KIF26B: variants seen among roughly 807,000 people sequenced by gnomAD.
KIF26B encodes kinesin-like protein KIF26B.
A neutral mutation model predicts 151.2 loss-of-function variants in KIF26B; 63 were observed. That is an observed-to-expected ratio of 0.42 (90% CI 0.34 to 0.51). The LOEUF is 0.51. KIF26B is among the 20% of genes least tolerant of loss of function. KIF26B has a pLI of 0.07. For missense variants in KIF26B, 2,813 were observed against 2,913.6 expected (o/e 0.97, Z 0.79); for synonymous variants, 1,357 against 1,262.1 (o/e 1.08, Z -1.59).
intron 8 of KIF26B, among the ~76,000 whole-genome samples, chr1:245,611,535 A>G (rs2043521188): frequency 6.6e-6 from 1 of 152,226 alleles, no homozygotes; most frequent in South Asian, 2.1e-4. Context: ...TCCAGATTCT[A>G]CTTAGACTGT....
intron 14 of KIF26B, among the ~76,000 whole-genome samples, chr1:245,701,165 G>GAGAA (rs1210913307): frequency 2.0e-5 from 3 of 152,122 alleles, no homozygotes; most frequent in Admixed American, 6.5e-5. Flanking sequence ...TTTTGATGCT[G>GAGAA]AGAAAGAAAA....
intron 3 of KIF26B, among the ~76,000 whole-genome samples, chr1:245,409,554 C>T (rs184543706): frequency 7.9e-5 from 12 of 152,278 alleles, no homozygotes; most frequent in African/African-American, 2.2e-4. Flanking sequence ...CCCTGCGTAT[C>T]GCCAGTTGTG....
At chr1:245,661,596 T>TACACCCAATGATATATATATACAC (rs2044139996) in intron 10 of KIF26B, among the ~76,000 whole-genome samples, 1 of 151,058 alleles carries the variant, frequency 6.6e-6, no homozygotes, top group Non-Finnish European at 1.5e-5. Flanking sequence ...AATATATATA[T>TACACCCAATGATATATATATACAC]ACACCCAATG....
chr1:245,457,988 A>G (rs746845800), intron 4 of KIF26B, among the ~76,000 whole-genome samples: 21 of 152,346 alleles, frequency 1.4e-4, no homozygotes, highest in Middle Eastern at 6.8e-3. Flanking sequence ...TTTTTAAGGT[A>G]TTATATAAAT....
intron 3 of KIF26B, among the ~76,000 whole-genome samples, chr1:245,389,967 A>C (rs1673645625): frequency 6.6e-6 from 1 of 152,186 alleles, no homozygotes; most frequent in Non-Finnish European, 1.5e-5. Context: ...TGAGTCCCTA[A>C]GACCCTTTCA....
chr1:245,700,246 T>A (rs1212905202), intron 14 of KIF26B, among the ~76,000 whole-genome samples: 2 of 152,110 alleles, frequency 1.3e-5, no homozygotes, highest in African/African-American at 4.8e-5. Context: ...AGCTGTAAAA[T>A]GGGAAAAATA....
chr1:245,437,623 G>T (rs1467019076), intron 4 of KIF26B, among the ~76,000 whole-genome samples: 1 of 152,140 alleles, frequency 6.6e-6, no homozygotes, highest in Non-Finnish European at 1.5e-5. Flanking sequence ...GCAAAGTGTT[G>T]TTCAAGCTGC....
chr1:245,658,211 C>T (rs2044095093), intron 10 of KIF26B, among the ~76,000 whole-genome samples: 1 of 152,218 alleles, frequency 6.6e-6, no homozygotes, highest in South Asian at 2.1e-4. Flanking sequence ...CGCACAGCTA[C>T]AGGTTCTTAA....
chr1:245,175,910 C>A (rs571191769), intron 2 of KIF26B, among the ~76,000 whole-genome samples: 4 of 138,156 alleles, frequency 2.9e-5, no homozygotes, highest in African/African-American at 1.3e-4. Flanking sequence ...ACATATATAT[C>A]TATATCTATA....
At chr1:245,519,824 A>G (rs1203974017) in intron 4 of KIF26B, among the ~76,000 whole-genome samples, 1 of 152,120 alleles carries the variant, frequency 6.6e-6, no homozygotes, top group Non-Finnish European at 1.5e-5. Flanking sequence ...TAAAAATAAG[A>G]TTATCTTATG....
rs867736625 is a variant in KIF26B, at chr1:245,170,475, G to T, written c.465+13792G>T. Among the ~76,000 whole-genome samples the T allele has an allele frequency of 1.3e-5, 2 of 152,132 alleles. No individual in the cohort carries two copies. The highest frequency in any genetic ancestry group is 2.9e-5 in the Non-Finnish European group (2 of 68,036). ...GAAACTTATCAGAACCAAACATAGAGGGCAAATGTCTTAGCCAATTCATGC... is the reference window on the plus strand; with the variant it reads ...GAAACTTATCAGAACCAAACATAGATGGCAAATGTCTTAGCCAATTCATGC... On this transcript the variant is annotated intron_variant, in intron 2 of 14. Coordinates refer to ENST00000407071, the MANE Select transcript of KIF26B (RefSeq NM_018012.4). The surrounding 1 kb of genome is among the most constrained non-coding windows in gnomAD (Gnocchi z 4.4).
intron 14 of KIF26B, among the ~76,000 whole-genome samples, chr1:245,701,191 A>C (rs1354939973): frequency 2.0e-5 from 3 of 152,220 alleles, no homozygotes; most frequent in Non-Finnish European, 4.4e-5. Context: ...AGAAAGCTAC[A>C]TGAAAGGGGA....
chr1:245,507,819 TCTGTTGTCAAAGGTTGACAACAA>T (rs1205941218), intron 4 of KIF26B, among the ~76,000 whole-genome samples: 3 of 152,090 alleles, frequency 2.0e-5, no homozygotes, highest in Non-Finnish European at 4.4e-5. Context: ...TTTGACAACA[TCTGTTGTCAAAGGTTGACAACAA>T]CCTTTGGTCC....
intron 4 of KIF26B, among the ~76,000 whole-genome samples, chr1:245,532,785 C>G (rs1661403208): frequency 6.6e-6 from 1 of 152,130 alleles, no homozygotes; most frequent in Non-Finnish European, 1.5e-5. Flanking sequence ...AAAACCCCAG[C>G]CCCATATGCT....
At chr1:245,157,765 C>T (rs1344446338) in intron 2 of KIF26B, among the ~76,000 whole-genome samples, 1 of 152,220 alleles carries the variant, frequency 6.6e-6, no homozygotes, top group Admixed American at 6.5e-5. Context: ...TAGTTTGATA[C>T]ATCTGCCGTG....
At chr1:245,497,234 C>T (rs1324302911) in intron 4 of KIF26B, among the ~76,000 whole-genome samples, 2 of 150,936 alleles carry the variant, frequency 1.3e-5, no homozygotes, top group Admixed American at 1.3e-4. Flanking sequence ...AAAGAAGAAA[C>T]CAGTCTGTAA....
At chr1:245,675,277 ATGAT>A (rs145408934) in intron 10 of KIF26B, among the ~76,000 whole-genome samples, 1 of 152,150 alleles carries the variant, frequency 6.6e-6, no homozygotes, top group Non-Finnish European at 1.5e-5. Flanking sequence ...TTACATTGGC[ATGAT>A]TGATTGATTG....
chr1:245,240,603 A>C (rs1386782242), intron 2 of KIF26B, among the ~76,000 whole-genome samples: 2 of 152,226 alleles, frequency 1.3e-5, no homozygotes, highest in African/African-American at 4.8e-5. Flanking sequence ...AATTTCAAAA[A>C]GGTAGGAGGG....
At chr1:245,557,119 TG>T (rs1392988277) in intron 5 of KIF26B, among the ~76,000 whole-genome samples, 2 of 152,240 alleles carry the variant, frequency 1.3e-5, no homozygotes, top group African/African-American at 4.8e-5. Context: ...GCCATGTATG[TG>T]GGACACTTGC....
Sources: gnomAD v4.1 joint callset for allele counts (sites outside exome capture counted in the v4.1 genomes callset) on GRCh38, gnomAD v4.1.1 for gene constraint, Gnocchi (gnomAD v3.1) non-coding constraint, MANE v1.5 for transcripts, NCBI Gene and HGNC (gene_info 2026-07-23, HGNC 2026-07-21) for gene names.